ROBO2: variants seen among roughly 807,000 people sequenced by gnomAD.
ROBO2 encodes the protein roundabout homolog 2.
ROBO2 carries 53 observed loss-of-function variants against 160.8 expected under a neutral mutation model. The observed-to-expected ratio is 0.33, with a 90% CI of 0.26 to 0.41. The LOEUF is 0.41. Among genes scored for constraint, ROBO2 ranks in the 10% least tolerant of loss-of-function variants. The pLI is 1.00. For synonymous variants in ROBO2, 664 were observed against 611.7 expected, an observed-to-expected ratio of 1.09 and a Z score of -1.26; for missense variants, 1,577 against 1,722.4, an observed-to-expected ratio of 0.92 and a Z score of 1.49.
intron 2 of ROBO2, among the ~76,000 whole-genome samples, chr3:75,986,082 T>G (rs770524981): frequency 2.3e-4 from 35 of 151,708 alleles, no homozygotes; most frequent in Non-Finnish European, 4.0e-4. Flanking sequence ...GGATTATATG[T>G]ACTTATATTT....
At chr3:76,586,869 T>C (rs902816009) in intron 2 of ROBO2, among the ~76,000 whole-genome samples, 1 of 152,228 alleles carries the variant, frequency 6.6e-6, no homozygotes, top group Non-Finnish European at 1.5e-5. Context: ...GCCACACTGA[T>C]AGTGTCTCCA....
At chr3:77,596,709 G>A (rs375341320) in exon 19 of ROBO2, 2 of 1,613,602 alleles carry the variant, frequency 1.2e-6, no homozygotes, top group African/African-American at 2.7e-5. Context: ...GTAAATAATA[G>A]CAACAGTGGC....
chr3:76,831,262 A>G (rs981348004), intron 2 of ROBO2, among the ~76,000 whole-genome samples: 20 of 152,098 alleles, frequency 1.3e-4, no homozygotes, highest in Admixed American at 2.6e-4. Flanking sequence ...CTCCCCTGCT[A>G]TTTAGGTATG....
intron 2 of ROBO2, among the ~76,000 whole-genome samples, chr3:77,153,669 CT>C: frequency 6.6e-6 from 1 of 152,184 alleles, no homozygotes; most frequent in Non-Finnish European, 1.5e-5. Context: ...GCCCCCATTC[CT>C]TCCTTCGAAA....
At chr3:76,624,211 T>TTTAGGATA (rs1433457585) in intron 2 of ROBO2, among the ~76,000 whole-genome samples, 1 of 152,174 alleles carries the variant, frequency 6.6e-6, no homozygotes, top group South Asian at 2.1e-4. Context: ...CAACAAAGAA[T>TTTAGGATA]TTAGGATATA....
At chr3:76,732,957 T>A (rs1300556168) in intron 2 of ROBO2, among the ~76,000 whole-genome samples, 1 of 147,596 alleles carries the variant, frequency 6.8e-6, no homozygotes, top group South Asian at 2.2e-4. Context: ...AAGTGTTCAT[T>A]TCTGAGCATA....
chr3:77,515,256 C>T (rs759745508), intron 5 of ROBO2, among the ~76,000 whole-genome samples: 3 of 151,688 alleles, frequency 2.0e-5, no homozygotes, highest in Non-Finnish European at 3.0e-5. Context: ...AGGTGCTTAG[C>T]GACTGCCATA....
intron 2 of ROBO2, among the ~76,000 whole-genome samples, chr3:76,197,837 C>G (rs981629515): frequency 1.3e-5 from 2 of 152,264 alleles, no homozygotes; most frequent in Middle Eastern, 6.8e-3. Context: ...GGCATATGGA[C>G]ACTTGATGTG....
chr3:76,068,147 A>G (rs902951895), intron 2 of ROBO2, among the ~76,000 whole-genome samples: 18 of 152,156 alleles, frequency 1.2e-4, no homozygotes, highest in African/African-American at 4.3e-4. Flanking sequence ...GCCATGCAGG[A>G]TAGCCTAGTT....
intron 2 of ROBO2, among the ~76,000 whole-genome samples, chr3:77,338,935 A>G (rs1274584050): frequency 6.6e-6 from 1 of 152,154 alleles, no homozygotes; most frequent in African/African-American, 2.4e-5. Flanking sequence ...AGATCTGATA[A>G]TAGAAACAGC....
chr3:76,931,110 G>T (rs146990091), intron 2 of ROBO2, among the ~76,000 whole-genome samples: 7 of 152,250 alleles, frequency 4.6e-5, no homozygotes, highest in African/African-American at 1.7e-4. Flanking sequence ...AAGGAACAAA[G>T]AGAAGGAAAG....
intron 2 of ROBO2, among the ~76,000 whole-genome samples, chr3:77,131,645 T>C (rs562124940): frequency 1.2e-4 from 18 of 152,160 alleles, no homozygotes; most frequent in Non-Finnish European, 2.4e-4. Context: ...TGGTAAGCTC[T>C]AAACTCAATG....
At chr3:76,225,010 C>T (rs1184283283) in intron 2 of ROBO2, among the ~76,000 whole-genome samples, 1 of 152,138 alleles carries the variant, frequency 6.6e-6, no homozygotes, top group Non-Finnish European at 1.5e-5. Context: ...TGTAAACTTT[C>T]TCATTTTCTT....
rs1052201695 is a variant in ROBO2 at position 77,616,065 on chromosome 3, A to C, written c.3294-1448A>C. ...GAATCTCACAAAATAGTGGGAGAAA[A>C]GAAACACAGAAACAAATAATCTCAA... On this transcript the variant is annotated intron_variant, in intron 21 of 25. Coordinates refer to ENST00000461745, the Ensembl canonical transcript of ROBO2. 1.1e-4 allele frequency among the ~76,000 whole-genome samples: 17 copies of C among 152,206 alleles called. 1 individual carries two copies. The highest frequency in any genetic ancestry group is 1.1e-3 in the Admixed American group (17 of 15,278).
At chr3:77,323,559 C>G (rs1436175229) in intron 2 of ROBO2, among the ~76,000 whole-genome samples, 1 of 152,122 alleles carries the variant, frequency 6.6e-6, no homozygotes, top group Non-Finnish European at 1.5e-5. Context: ...ATCATTTAAT[C>G]ACACCAAGTG....
At chr3:75,947,505 C>A (rs1948354763) in intron 2 of ROBO2, among the ~76,000 whole-genome samples, 2 of 152,058 alleles carry the variant, frequency 1.3e-5, no homozygotes, top group Non-Finnish European at 2.9e-5. Flanking sequence ...TACCTCTTGG[C>A]AACACAAAGC....
chr3:75,907,852 C>CGTGT (rs56058203), intron 1 of ROBO2, among the ~76,000 whole-genome samples: 18,556 of 148,452 alleles, frequency 0.12, 2,757 homozygotes, highest in African/African-American at 0.35. Context: ...TAATCGTGTG[C>CGTGT]GTGTGTGTGT....
intron 23 of ROBO2, among the ~76,000 whole-genome samples, chr3:77,627,408 T>C (rs1583374407): frequency 6.6e-6 from 1 of 152,090 alleles, no homozygotes; most frequent in African/African-American, 2.4e-5. Context: ...GCCTCCTGAG[T>C]AGCTGGGATT....
intron 2 of ROBO2, among the ~76,000 whole-genome samples, chr3:77,340,701 G>T (rs1275266231): frequency 6.6e-6 from 1 of 152,082 alleles, no homozygotes; most frequent in African/African-American, 2.4e-5. Context: ...GCTAGCTTTT[G>T]TATTTTAAAG....
Sources: allele counts gnomAD v4.1 joint callset (sites outside exome capture counted in the v4.1 genomes callset), GRCh38; gene constraint gnomAD v4.1.1; transcripts MANE v1.5; gene names NCBI Gene and HGNC (gene_info 2026-07-23, HGNC 2026-07-21).